Variants in ANKRD33B observed in about 807,000 individuals in gnomAD.
The protein encoded by ANKRD33B is ankyrin repeat domain-containing protein 33B.
Under a neutral mutation model 21.5 loss-of-function variants are expected in ANKRD33B, and 6 were observed. That is an observed-to-expected ratio of 0.28 (90% CI 0.15 to 0.55). The LOEUF (loss-of-function observed/expected upper bound fraction) is 0.55. Among genes scored for constraint, ANKRD33B ranks in the 20% least tolerant of loss-of-function variants. The pLI, the probability that ANKRD33B is intolerant of heterozygous loss-of-function variation, is 0.94. For synonymous variants in ANKRD33B, 347 were observed against 342.4 expected, an observed-to-expected ratio of 1.01 and a Z score of -0.15; for missense variants, 698 against 747.2, an observed-to-expected ratio of 0.93 and a Z score of 0.77.
intron 1 of ANKRD33B, among the ~76,000 whole-genome samples, chr5:10,616,295 G>A (rs1457289450): frequency 1.3e-5 from 2 of 152,152 alleles, no homozygotes; most frequent in African/African-American, 2.4e-5. Context: ...GGCCGGGTGT[G>A]TTGGCTCACG....
At chr5:10,584,012 T>A (rs1234631225) in intron 1 of ANKRD33B, among the ~76,000 whole-genome samples, 1 of 152,086 alleles carries the variant, frequency 6.6e-6, no homozygotes, top group Non-Finnish European at 1.5e-5. Flanking sequence ...TCCTGCCACG[T>A]TTACCCAGTG....
In ANKRD33B at chr5:10,638,039, A is replaced by G. The variant is rs1736912739; in HGVS notation, c.508A>G (p.Ile170Val). Residue 170 changes from isoleucine to valine, a missense_variant, in exon 3 of 4, where the codon ATC becomes GTC. Around this residue, in one of 3 missense-constraint regions of ANKRD33B, gnomAD observed 543 missense variants for 566.5 expected, o/e 0.96. Coordinates refer to ENST00000296657, the MANE Select transcript of ANKRD33B (RefSeq NM_001164440.2). ...ITAAQAGHAI[I>V]TNYLLNYFPG... ...ACTTCTCTTTACAGGGCACGCTATC[A>G]TCACTAACTACTTGTTGAACTATTT... 2.0e-6 allele frequency: 3 copies of G among 1,537,544 alleles called. No homozygotes were observed. Among genetic ancestry groups the G allele is most frequent in the Non-Finnish European group, 2.6e-6 (3 of 1,146,962 alleles).
At position 10,650,126 on chromosome 5, in the gene ANKRD33B, C is replaced by CT. The variant is rs1422919065; in HGVS notation, c.*14dup. 6.8e-7 allele frequency: 1 copy of CT among 1,478,016 alleles called. No individual in the cohort carries two copies. Among genetic ancestry groups the CT allele is most frequent in the Non-Finnish European group, 8.9e-7 (1 of 1,118,512 alleles). 91.6% of individuals were successfully genotyped at this position (1,478,016 alleles called of 1,614,324 possible). On this transcript the variant is annotated 3_prime_UTR_variant, in exon 4 of 4. Transcript: ENST00000296657. The stretch of plus-strand genomic sequence containing the variant: ...GAAGAGGACGTGAGGGCCCGTGTGC[C>CT]TGGCGCTGGGGCCGGGGCTGGGGCC...
intron 1 of ANKRD33B, among the ~76,000 whole-genome samples, chr5:10,602,694 A>G (rs563498495): frequency 3.3e-5 from 5 of 152,220 alleles, no homozygotes; most frequent in Non-Finnish European, 5.9e-5. Context: ...TGAGTCTGAA[A>G]CGAGTGGACA....
intron 1 of ANKRD33B, among the ~76,000 whole-genome samples, chr5:10,575,428 A>C (rs1265166929): frequency 6.6e-6 from 1 of 152,060 alleles, no homozygotes; most frequent in Non-Finnish European, 1.5e-5. Flanking sequence ...GTCTCAAAAA[A>C]AAAAAAAAAA....
At chr5:10,585,555 C>G (rs887747661) in intron 1 of ANKRD33B, among the ~76,000 whole-genome samples, 9 of 152,228 alleles carry the variant, frequency 5.9e-5, no homozygotes. Context: ...TGAGAAACAC[C>G]TGGAATTAGA....
chr5:10,593,534 C>A (rs76870028), intron 1 of ANKRD33B, among the ~76,000 whole-genome samples: 1 of 152,162 alleles, frequency 6.6e-6, no homozygotes, highest in East Asian at 1.9e-4. Flanking sequence ...CTGTCTCAGT[C>A]GACACCCTAC....
At chr5:10,631,669 G>A (rs1439673463) in intron 2 of ANKRD33B, among the ~76,000 whole-genome samples, 1 of 152,222 alleles carries the variant, frequency 6.6e-6, no homozygotes, top group East Asian at 1.9e-4. Context: ...GAGAAGCATT[G>A]AATATCGATG....
chr5:10,577,904 C>G (rs1166619732), intron 1 of ANKRD33B, among the ~76,000 whole-genome samples: 1 of 152,208 alleles, frequency 6.6e-6, no homozygotes, highest in East Asian at 1.9e-4. Context: ...CTGCTGACCT[C>G]CATGCTTTGG....
intron 2 of ANKRD33B, among the ~76,000 whole-genome samples, chr5:10,622,490 T>G (rs1736442187): frequency 6.6e-6 from 1 of 152,260 alleles, no homozygotes; most frequent in Non-Finnish European, 1.5e-5. Flanking sequence ...CGGTTAAATT[T>G]TTTTAACTTT....
At chr5:10,566,089 A>G (rs814577) in intron 1 of ANKRD33B, among the ~76,000 whole-genome samples, 21,259 of 152,180 alleles carry the variant, frequency 0.14, 1,634 homozygotes, top group South Asian at 0.23. Context: ...CCCTCCCACA[A>G]CACGTGGGAA....
rs909098020 is a variant in ANKRD33B, at chr5:10,618,325, A to T, written c.367-8A>T. On this transcript the variant is annotated splice_polypyrimidine_tract_variant and splice_region_variant and intron_variant, in intron 1 of 3. Coordinates refer to ENST00000296657, the MANE Select transcript of ANKRD33B (RefSeq NM_001164440.2). ...CCCCTCTGACCCGCTTCCCCTCTTCATTTCTAGACCGGCCTTATTGTCGCC... is the reference window on the plus strand; with the variant it reads ...CCCCTCTGACCCGCTTCCCCTCTTCTTTTCTAGACCGGCCTTATTGTCGCC... 5.2e-6 allele frequency: 8 copies of T among 1,536,566 alleles called. No individual in the cohort carries two copies. Among genetic ancestry groups the T allele is most frequent in the Middle Eastern group, 4.0e-4 (2 of 5,036 alleles).
intron 2 of ANKRD33B, among the ~76,000 whole-genome samples, chr5:10,623,375 C>T (rs143974511): frequency 3.9e-5 from 6 of 152,252 alleles, no homozygotes; most frequent in African/African-American, 1.4e-4. Context: ...TGGTGTCCCT[C>T]GATGGTTCTA....
intron 1 of ANKRD33B, among the ~76,000 whole-genome samples, chr5:10,581,540 GA>G (rs1161045148): frequency 3.3e-5 from 5 of 152,174 alleles, no homozygotes; most frequent in Non-Finnish European, 5.9e-5. Context: ...TTTGTTCCAT[GA>G]GGCACTTTTC....
chr5:10,564,133 C>T lies in ANKRD33B; in HGVS notation c.-335C>T, dbSNP rs528904596. ...GCTCTGGGGCAACGCTGCCAGGTGC[C>T]CAGTCCCCGCGCTCGAGAGAGCGCC... On this transcript the variant is annotated 5_prime_UTR_variant, in exon 1 of 4. Transcript: ENST00000296657. Among the ~76,000 whole-genome samples the T allele has an allele frequency of 3.6e-4, 55 of 152,244 alleles. No homozygotes were observed. The highest frequency in any genetic ancestry group is 2.9e-4 in the Non-Finnish European group (20 of 67,986).
At chr5:10,585,452 G>A (rs1735532914) in intron 1 of ANKRD33B, among the ~76,000 whole-genome samples, 2 of 152,234 alleles carry the variant, frequency 1.3e-5, no homozygotes, top group Non-Finnish European at 2.9e-5. Context: ...AGTCTCCACA[G>A]TCATTTCCAT....
At chr5:10,570,921 T>TTTTTG (rs1553990142) in intron 1 of ANKRD33B, among the ~76,000 whole-genome samples, 1 of 135,734 alleles carries the variant, frequency 7.4e-6, no homozygotes, top group Non-Finnish European at 1.6e-5. Flanking sequence ...TTTTTTTTTT[T>TTTTTG]GTCAATTAGG....
chr5:10,652,931 G>GACC lies in ANKRD33B; in HGVS notation c.*2821_*2823dup. The GACC allele has an allele frequency of 5.1e-6, 1 of 195,366 alleles. No individual in the cohort carries two copies. 12.1% of individuals were successfully genotyped at this position (195,366 alleles called of 1,614,324 possible). A position where few individuals can be genotyped will look rare whatever the true frequency, so the allele number is the denominator to read the frequency against. On this transcript the variant is annotated 3_prime_UTR_variant, in exon 4 of 4. Transcript: ENST00000296657. The surrounding 1 kb of genome is among the most constrained non-coding windows in gnomAD (Gnocchi z 4.1). ...TCTTTGGCAAATCTGCAGGCGAGCT[G>GACC]ACCACTTGCCTGGTGAGTGGAAGCT...
chr5:10,655,104 A>G lies in ANKRD33B; in HGVS notation c.*4991A>G, dbSNP rs766307539. 3 of 152,216 alleles carry G rather than the reference A, an allele frequency of 2.0e-5. No homozygotes were observed. The highest frequency in any genetic ancestry group is 1.9e-4 in the East Asian group (1 of 5,294). The allele number at this position is 152,216 out of a possible 1,614,324, so 9.4% of individuals were successfully genotyped here. The stretch of plus-strand genomic sequence containing the variant: ...GGCTCCTCCTGGGAGCAGGAGAGAG[A>G]GAGTTTGTGATGTTGGTTGGAAAAT... On this transcript the variant is annotated 3_prime_UTR_variant, in exon 4 of 4. Coordinates refer to ENST00000296657, the MANE Select transcript of ANKRD33B (RefSeq NM_001164440.2).
Sources: allele counts gnomAD v4.1 joint callset (sites outside exome capture counted in the v4.1 genomes callset), GRCh38; gene constraint gnomAD v4.1.1; regional missense constraint gnomAD v4.1.1; non-coding constraint Gnocchi (gnomAD v3.1); transcripts MANE v1.5; gene names NCBI Gene and HGNC (gene_info 2026-07-23, HGNC 2026-07-21).